Variants in RNF111 observed in about 807,000 individuals in gnomAD.
The protein encoded by RNF111 is ring finger protein 111.
Under a neutral mutation model 95.1 loss-of-function variants are expected in RNF111, and 17 were observed. The ratio of observed to expected loss-of-function variants is 0.18; its 90% CI spans 0.12 to 0.27. The LOEUF (loss-of-function observed/expected upper bound fraction) is 0.27. RNF111 is among the 10% of genes least tolerant of loss of function. RNF111 has a pLI of 1.00. For synonymous variants in RNF111, 440 were observed against 414.8 expected (o/e 1.06, Z -0.74); for missense variants, 1,189 against 1,210.4 (o/e 0.98, Z 0.26).
At chr15:59,053,472 A>G (rs1414017057) in intron 3 of RNF111, among the ~76,000 whole-genome samples, 2 of 152,344 alleles carry the variant, frequency 1.3e-5, no homozygotes, top group East Asian at 1.9e-4. Flanking sequence ...TTTTAAAAGT[A>G]TATATTCATA....
chr15:58,995,946 T>A (rs2039052435), intron 1 of RNF111, among the ~76,000 whole-genome samples: 1 of 152,076 alleles, frequency 6.6e-6, no homozygotes, highest in Non-Finnish European at 1.5e-5. Context: ...GAATAATCTT[T>A]TTTTCATGCA....
intron 1 of RNF111, among the ~76,000 whole-genome samples, chr15:59,013,320 C>T (rs2039917571): frequency 6.6e-6 from 1 of 152,084 alleles, no homozygotes; most frequent in Non-Finnish European, 1.5e-5. Flanking sequence ...ACTAAGAGAC[C>T]CACATTGATA....
intron 3 of RNF111, among the ~76,000 whole-genome samples, chr15:59,053,665 C>T (rs1338833525): frequency 6.6e-6 from 1 of 152,132 alleles, no homozygotes; most frequent in African/African-American, 2.4e-5. Flanking sequence ...CACACCTATC[C>T]TCTGACCGTG....
At chr15:59,077,608 C>G (rs2078603813) in intron 7 of RNF111, among the ~76,000 whole-genome samples, 1 of 152,128 alleles carries the variant, frequency 6.6e-6, no homozygotes, top group African/African-American at 2.4e-5. Context: ...AAATCTAGCT[C>G]ATTGGTTTTT....
At chr15:59,090,605 T>C (rs1277340700) in intron 11 of RNF111, among the ~76,000 whole-genome samples, 5 of 152,234 alleles carry the variant, frequency 3.3e-5, no homozygotes. Context: ...TTTGGTTCCT[T>C]AATTTACTAG....
At position 59,095,434 on chromosome 15, in the gene RNF111, A is replaced by C. The variant is rs1237074474; in HGVS notation, c.*534A>C. On this transcript the variant is annotated 3_prime_UTR_variant, in exon 14 of 14. Coordinates refer to ENST00000348370, the MANE Select transcript of RNF111 (RefSeq NM_017610.8). ...TATTTACTATATGGAGTTCTGAGTT[A>C]AATACCATCCTTAATACTGGGAACA... 1 of 156,288 alleles carries C rather than the reference A, an allele frequency of 6.4e-6. No individual in the cohort carries two copies. 9.7% of individuals were successfully genotyped at this position (156,288 alleles called of 1,614,324 possible).
chr15:59,051,853 T>A (rs1430365217), intron 2 of RNF111, among the ~76,000 whole-genome samples: 1 of 151,978 alleles, frequency 6.6e-6, no homozygotes, highest in Non-Finnish European at 1.5e-5. Context: ...ACTAAAAAGC[T>A]ACAGTGTTTT....
chr15:59,063,556 T>TA (rs1485386254), intron 5 of RNF111, among the ~76,000 whole-genome samples: 34 of 152,348 alleles, frequency 2.2e-4, no homozygotes, highest in African/African-American at 6.7e-4. Flanking sequence ...AGTGTTTTAT[T>TA]TACTGAATCA....
At chr15:59,018,642 A>T (rs1367064626) in intron 1 of RNF111, among the ~76,000 whole-genome samples, 1 of 152,132 alleles carries the variant, frequency 6.6e-6, no homozygotes, top group Non-Finnish European at 1.5e-5. Context: ...TTCACTCCCA[A>T]ACTGTTAAGT....
chr15:59,019,969 A>G (rs1215067565), intron 1 of RNF111, among the ~76,000 whole-genome samples: 1 of 152,078 alleles, frequency 6.6e-6, no homozygotes, highest in East Asian at 1.9e-4. Context: ...AAAAAAACAA[A>G]AAACACAAAA....
chr15:59,007,008 G>C (rs1353064558), intron 1 of RNF111, among the ~76,000 whole-genome samples: 4 of 152,134 alleles, frequency 2.6e-5, no homozygotes, highest in Non-Finnish European at 4.4e-5. Context: ...GGCTGGTCTT[G>C]AACTCCTGAC....
chr15:59,026,290 TA>T (rs1472112756), intron 1 of RNF111, among the ~76,000 whole-genome samples: 9 of 152,316 alleles, frequency 5.9e-5, no homozygotes, highest in African/African-American at 1.9e-4. Context: ...TTTTGAAAGT[TA>T]GTATTTTTTT....
At chr15:59,010,035 T>G (rs1385332517) in intron 1 of RNF111, among the ~76,000 whole-genome samples, 1 of 152,206 alleles carries the variant, frequency 6.6e-6, no homozygotes, top group South Asian at 2.1e-4. Flanking sequence ...TCATTCAGTT[T>G]ATATGCAATT....
chr15:59,017,587 C>T (rs2040127250), intron 1 of RNF111, among the ~76,000 whole-genome samples: 1 of 152,062 alleles, frequency 6.6e-6, no homozygotes, highest in African/African-American at 2.4e-5. Flanking sequence ...AATCTGGAAG[C>T]CACTTAAAGT....
intron 1 of RNF111, among the ~76,000 whole-genome samples, chr15:58,992,479 T>C (rs987422639): frequency 8.5e-5 from 13 of 152,300 alleles, no homozygotes; most frequent in African/African-American, 2.2e-4. Context: ...ATTAATAATA[T>C]TGTTCTCTGC....
intron 1 of RNF111, among the ~76,000 whole-genome samples, chr15:58,991,106 A>T (rs997891821): frequency 6.6e-6 from 1 of 152,140 alleles, no homozygotes; most frequent in Non-Finnish European, 1.5e-5. Flanking sequence ...AGCCAGGCCA[A>T]CATGGTGAAA....
intron 1 of RNF111, among the ~76,000 whole-genome samples, chr15:59,013,964 T>C (rs1391980952): frequency 6.6e-6 from 1 of 152,024 alleles, no homozygotes; most frequent in Non-Finnish European, 1.5e-5. Flanking sequence ...AATTTTTGTA[T>C]TTTTTAGTGG....
At chr15:59,057,200 T>C (rs1185092928) in intron 4 of RNF111, among the ~76,000 whole-genome samples, 1 of 152,230 alleles carries the variant, frequency 6.6e-6, no homozygotes, top group Admixed American at 6.5e-5. Context: ...AACATCATGC[T>C]GTTCACAGTG....
At chr15:59,070,905 G>C (rs2140093136) in intron 6 of RNF111, among the ~76,000 whole-genome samples, 1 of 152,244 alleles carries the variant, frequency 6.6e-6, no homozygotes, top group South Asian at 2.1e-4. Context: ...CACAGTTGCT[G>C]TATATAATTC....
Sources: gnomAD v4.1 joint callset for allele counts (sites outside exome capture counted in the v4.1 genomes callset) on GRCh38, gnomAD v4.1.1 for gene constraint, MANE v1.5 for transcripts, NCBI Gene and HGNC (gene_info 2026-07-23, HGNC 2026-07-21) for gene names.